Variants in PKIB observed in about 807,000 individuals in gnomAD.
PKIB encodes the protein PKI-beta.
PKIB carries 2 observed loss-of-function variants against 4.5 expected under a neutral mutation model. The ratio of observed to expected loss-of-function variants is 0.44; its 90% CI spans 0.18 to 1.39. PKIB has a LOEUF of 1.39. PKIB is among the 40% of genes most tolerant of loss of function. The pLI, the probability that PKIB is intolerant of heterozygous loss-of-function variation, is 0.27. For missense variants in PKIB, 94 were observed against 92.6 expected (o/e 1.02, Z -0.06); for synonymous variants, 38 against 36.0 (o/e 1.06, Z -0.20).
chr6:122,574,329 C>T (rs915201948), intron 2 of PKIB, among the ~76,000 whole-genome samples: 1 of 152,078 alleles, frequency 6.6e-6, no homozygotes, highest in Non-Finnish European at 1.5e-5. Context: ...TGAAAATATC[C>T]AAATTCACAA....
intron 2 of PKIB, among the ~76,000 whole-genome samples, chr6:122,657,338 G>A (rs977964102): frequency 1.3e-5 from 2 of 152,098 alleles, no homozygotes; most frequent in South Asian, 2.1e-4. Flanking sequence ...CAAAATGCTT[G>A]GAAATGTGCA....
At chr6:122,698,399 A>T (rs551024273) in intron 3 of PKIB, among the ~76,000 whole-genome samples, 11 of 152,226 alleles carry the variant, frequency 7.2e-5, no homozygotes, top group African/African-American at 2.4e-4. Flanking sequence ...GGCCAGATTC[A>T]TGGGGGTGCT....
chr6:122,651,432 C>T (rs1430765655), intron 2 of PKIB, among the ~76,000 whole-genome samples: 1 of 152,124 alleles, frequency 6.6e-6, no homozygotes, highest in East Asian at 1.9e-4. Flanking sequence ...GGAGAATCAA[C>T]AGGGTCTTGC....
At chr6:122,571,643 A>G (rs1320865288) in intron 2 of PKIB, among the ~76,000 whole-genome samples, 1 of 152,234 alleles carries the variant, frequency 6.6e-6, no homozygotes, top group Admixed American at 6.5e-5. Context: ...TGCAAAACTA[A>G]GCTTCATAAA....
At chr6:122,721,500 A>G (rs1189273199) in intron 4 of PKIB, among the ~76,000 whole-genome samples, 1 of 152,188 alleles carries the variant, frequency 6.6e-6, no homozygotes, top group Non-Finnish European at 1.5e-5. Flanking sequence ...TTCTAAAAAT[A>G]GAACATACAA....
rs35341464 is a variant in PKIB at position 122,506,694 on chromosome 6, ATTTTTTTTTTTTTT to A, written c.-248+28765_-248+28778del. On this transcript the variant is annotated intron_variant, in intron 2 of 6. Coordinates refer to the PKIB transcript ENST00000392491. ...TAGTACCAGTGTGATTGGAGATGTA[ATTTTTTTTTTTTTT>A]TTTTTTTTTGAGACGGAGTCTCGCT... 6.0e-5 allele frequency among the ~76,000 whole-genome samples: 7 copies of A among 116,570 alleles called. 1 individual carries two copies. In the East Asian group the frequency reaches 2.0e-3, roughly 32 times the overall value. 76.5% of individuals were successfully genotyped at this position (116,570 alleles called of 152,430 possible). A position where few individuals can be genotyped will look rare whatever the true frequency, so the allele number is the denominator to read the frequency against.
intron 3 of PKIB, among the ~76,000 whole-genome samples, chr6:122,685,339 TAAAAG>T (rs959295846): frequency 6.6e-6 from 1 of 152,088 alleles, no homozygotes; most frequent in African/African-American, 2.4e-5. Context: ...TAAAAAGAAT[TAAAAG>T]AAAGAGAAGA....
At chr6:122,580,564 G>A (rs1369223585) in intron 2 of PKIB, among the ~76,000 whole-genome samples, 1 of 152,010 alleles carries the variant, frequency 6.6e-6, no homozygotes, top group African/African-American at 2.4e-5. Flanking sequence ...TGCCTACATA[G>A]GGTTTGCCCC....
intron 1 of PKIB, among the ~76,000 whole-genome samples, chr6:122,629,074 G>A (rs1219744399): frequency 2.0e-5 from 3 of 152,134 alleles, no homozygotes; most frequent in Non-Finnish European, 4.4e-5. Flanking sequence ...CCAATAATCA[G>A]CTGGGGAAAT....
intron 2 of PKIB, among the ~76,000 whole-genome samples, chr6:122,657,287 C>T (rs1776809879): frequency 6.6e-6 from 1 of 152,152 alleles, no homozygotes; most frequent in African/African-American, 2.4e-5. Context: ...AAAATTGCTA[C>T]TCATGGCTAC....
At chr6:122,546,851 A>C (rs1319440712) in intron 2 of PKIB, among the ~76,000 whole-genome samples, 3 of 152,128 alleles carry the variant, frequency 2.0e-5, no homozygotes, top group Non-Finnish European at 4.4e-5. Flanking sequence ...GAGTAAGAGA[A>C]AGGATGTTTT....
At chr6:122,625,316 T>C (rs1011557907) in intron 1 of PKIB, among the ~76,000 whole-genome samples, 2 of 152,208 alleles carry the variant, frequency 1.3e-5, no homozygotes, top group African/African-American at 4.8e-5. Flanking sequence ...TCAGATAAAT[T>C]GGATTTTGGT....
intron 2 of PKIB, among the ~76,000 whole-genome samples, chr6:122,561,988 G>GTTTGTGTT (rs1554220234): frequency 1.1e-3 from 27 of 24,272 alleles, no homozygotes; most frequent in East Asian, 1.7e-3. Flanking sequence ...TTTTTTGTTT[G>GTTTGTGTT]TTTTTGTTTT....
intron 3 of PKIB, among the ~76,000 whole-genome samples, chr6:122,709,875 G>A (rs971998535): frequency 6.6e-6 from 1 of 152,048 alleles, no homozygotes; most frequent in Non-Finnish European, 1.5e-5. Flanking sequence ...TACTGCTCTG[G>A]CTCTACCAAT....
intron 3 of PKIB, among the ~76,000 whole-genome samples, chr6:122,680,830 G>C (rs1037871002): frequency 1.3e-5 from 2 of 152,102 alleles, no homozygotes; most frequent in African/African-American, 2.4e-5. Context: ...TAGCCAAAAC[G>C]AACTTTTTAA....
At chr6:122,510,185 T>C (rs1185340591) in intron 2 of PKIB, among the ~76,000 whole-genome samples, 1 of 152,162 alleles carries the variant, frequency 6.6e-6, no homozygotes. Flanking sequence ...GTTTTTTGAA[T>C]TTTTTTCAGG....
intron 1 of PKIB, among the ~76,000 whole-genome samples, chr6:122,473,610 C>T (rs766763675): frequency 2.0e-5 from 3 of 152,250 alleles, no homozygotes; most frequent in Non-Finnish European, 2.9e-5. Flanking sequence ...CTATTTTATT[C>T]GTTAGAAGAG....
At chr6:122,697,329 CA>C (rs1404119602) in intron 3 of PKIB, among the ~76,000 whole-genome samples, 4 of 152,016 alleles carry the variant, frequency 2.6e-5, no homozygotes, top group Non-Finnish European at 5.9e-5. Flanking sequence ...TATCAGATAT[CA>C]AGCCTAAATT....
chr6:122,710,903 T>C (rs1779248636), intron 3 of PKIB, among the ~76,000 whole-genome samples: 1 of 151,976 alleles, frequency 6.6e-6, no homozygotes, highest in South Asian at 2.1e-4. Context: ...CAAATGAAAG[T>C]GAAGGAGTAT....
Sources: gnomAD v4.1 joint callset for allele counts (sites outside exome capture counted in the v4.1 genomes callset) on GRCh38, gnomAD v4.1.1 for gene constraint, MANE v1.5 for transcripts, NCBI Gene and HGNC (gene_info 2026-07-23, HGNC 2026-07-21) for gene names.